The following C18orf63 variants were observed in gnomAD, a reference collection of about 807,000 sequenced individuals.
C18orf63 encodes uncharacterized protein C18orf63.
C18orf63 carries 50 observed loss-of-function variants against 75.3 expected under a neutral mutation model. The observed-to-expected ratio is 0.66, with a 90% confidence interval of 0.53 to 0.84. The LOEUF (loss-of-function observed/expected upper bound fraction) is 0.84. Ranked by LOEUF, C18orf63 falls within the 40% of genes least tolerant of loss-of-function variation. The pLI, the probability that C18orf63 is intolerant of heterozygous loss-of-function variation, is 0.00. For missense variants in C18orf63, 732 were observed against 800.2 expected, an observed-to-expected ratio of 0.91 and a Z score of 1.03; for synonymous variants, 232 against 267.6, an observed-to-expected ratio of 0.87 and a Z score of 1.30.
intron 4 of C18orf63, among the ~76,000 whole-genome samples, chr18:74,325,844 C>G (rs1484668633): frequency 6.6e-6 from 1 of 152,206 alleles, no homozygotes; most frequent in Admixed American, 6.5e-5. Flanking sequence ...TTGTCCTTGA[C>G]TTTAGCTGAA....
chr18:74,341,197 GAGCTTGC>G lies in C18orf63; in HGVS notation c.612-825_612-819del, dbSNP rs371126679. Among the ~76,000 whole-genome samples, 680 of 147,436 alleles carry G rather than the reference GAGCTTGC, an allele frequency of 4.6e-3. 1 individual carries two copies. Among genetic ancestry groups the G allele is most frequent in the South Asian group, 0.019 (85 of 4,514 alleles). ...GAGAATGGCGTGAACCCGGGAGGCG[GAGCTTGC>G]AGCTTGCAGTGAGCCGAGATCCCGC... On this transcript the variant is annotated intron_variant, in intron 8 of 13. Transcript: ENST00000579455.
chr18:74,358,672 T>C lies in C18orf63; in HGVS notation c.*2225T>C, dbSNP rs1362948283. 1 of 152,126 alleles carries C rather than the reference T, an allele frequency of 6.6e-6. No homozygotes were observed. Among genetic ancestry groups the C allele is most frequent in the Non-Finnish European group, 1.5e-5 (1 of 67,998 alleles). The allele number at this position is 152,126 out of a possible 1,614,324, so 9.4% of individuals were successfully genotyped here. On this transcript the variant is annotated 3_prime_UTR_variant, in exon 14 of 14. Transcript: ENST00000579455. Reference sequence around the variant, plus strand: ...ATTAGTTTTAGAACCATTTTAATTTTAAAACCATAAGAAAATAATTTTATG... The same window carrying C: ...ATTAGTTTTAGAACCATTTTAATTTCAAAACCATAAGAAAATAATTTTATG...
At chr18:74,337,459 G>A (rs188176535) in intron 7 of C18orf63, among the ~76,000 whole-genome samples, 1 of 152,104 alleles carries the variant, frequency 6.6e-6, no homozygotes, top group Admixed American at 6.5e-5. Context: ...AGGTGTATGT[G>A]GGAACCCATA....
intron 6 of C18orf63, among the ~76,000 whole-genome samples, chr18:74,330,607 A>T (rs1158520925): frequency 2.0e-5 from 3 of 151,574 alleles, no homozygotes; most frequent in Non-Finnish European, 4.4e-5. Context: ...GGGGTGTCTC[A>T]TTTTTTTTAT....
At chr18:74,318,960 A>C (rs1306307756) in intron 2 of C18orf63, among the ~76,000 whole-genome samples, 1 of 152,174 alleles carries the variant, frequency 6.6e-6, no homozygotes, top group Non-Finnish European at 1.5e-5. Flanking sequence ...AAACAACTAG[A>C]AGATACCCAG....
Position 74,342,390 on chromosome 18 carries a change from C to G in C18orf63, c.794+64C>G, listed in dbSNP as rs139334923. 4 of 931,960 alleles carry G rather than the reference C, an allele frequency of 4.3e-6. No individual in the cohort carries two copies. In the African/African-American group the frequency reaches 4.9e-5, roughly 11 times the overall value. The allele number at this position is 931,960 out of a possible 1,614,324, so 57.7% of individuals were successfully genotyped here. A position where few individuals can be genotyped will look rare whatever the true frequency, so the allele number is the denominator to read the frequency against. On this transcript the variant is annotated intron_variant, in intron 10 of 13. Transcript: ENST00000579455. The stretch of plus-strand genomic sequence containing the variant: ...CCACCTTATAATCTAGTTTTGCTCC[C>G]ACTCTCATGTCATACTTTTCAACCT...
chr18:74,338,693 C>A, intron 7 of C18orf63, 22 bp from the exon 8 acceptor site: 6 of 1,102,806 alleles, frequency 5.4e-6, no homozygotes, highest in Non-Finnish European at 7.2e-6. Context: ...TGAGGACTTA[C>A]AAATCTTATT....
chr18:74,320,938 A>G (rs1297628710), intron 3 of C18orf63, among the ~76,000 whole-genome samples: 2 of 152,194 alleles, frequency 1.3e-5, no homozygotes, highest in African/African-American at 4.8e-5. Flanking sequence ...TCTCATTTCA[A>G]CAAATCTCCA....
intron 7 of C18orf63, among the ~76,000 whole-genome samples, chr18:74,337,784 CT>C (rs1478278279): frequency 1.3e-5 from 2 of 152,120 alleles, no homozygotes; most frequent in African/African-American, 2.4e-5. Context: ...CTCTTCCCTG[CT>C]CCTCCATTTC....
At chr18:74,355,827 A>C (rs1028688815) in intron 13 of C18orf63, among the ~76,000 whole-genome samples, 2 of 152,080 alleles carry the variant, frequency 1.3e-5, no homozygotes, top group African/African-American at 2.4e-5. Context: ...GAACCCGAGA[A>C]GTGGAGATTG....
chr18:74,356,784 A>T lies in C18orf63; in HGVS notation c.*337A>T, dbSNP rs1984773593. 6.6e-6 allele frequency: 1 copy of T among 152,148 alleles called. No homozygotes were observed. Among genetic ancestry groups the T allele is most frequent in the East Asian group, 1.9e-4 (1 of 5,196 alleles). The allele number at this position is 152,148 out of a possible 1,614,324, so 9.4% of individuals were successfully genotyped here. A position where few individuals can be genotyped will look rare whatever the true frequency, so the allele number is the denominator to read the frequency against. On this transcript the variant is annotated 3_prime_UTR_variant, in exon 14 of 14. Transcript: ENST00000579455. ...TTGAAAATATCTTTATTTTGCCCTTATTGAAATTATCAAACCACATAAAGC... is the reference window on the plus strand; with the variant it reads ...TTGAAAATATCTTTATTTTGCCCTTTTTGAAATTATCAAACCACATAAAGC...
At chr18:74,321,357 T>A (rs1360202510) in intron 3 of C18orf63, among the ~76,000 whole-genome samples, 1 of 149,878 alleles carries the variant, frequency 6.7e-6, no homozygotes, top group Non-Finnish European at 1.5e-5. Flanking sequence ...CAGGCTGGAG[T>A]GCAGTGGCTC....
At chr18:74,349,572 A>G (rs1984632221) in intron 11 of C18orf63, among the ~76,000 whole-genome samples, 1 of 152,138 alleles carries the variant, frequency 6.6e-6, no homozygotes, top group African/African-American at 2.4e-5. Flanking sequence ...CACGAACCCT[A>G]TTGTGAACTG....
At chr18:74,317,485 A>T (rs1984045344) in intron 1 of C18orf63, among the ~76,000 whole-genome samples, 1 of 152,244 alleles carries the variant, frequency 6.6e-6, no homozygotes, top group African/African-American at 2.4e-5. Flanking sequence ...TTTGACTTTT[A>T]AAAAATAGTT....
intron 4 of C18orf63, 50 bp from the exon 5 acceptor site, chr18:74,327,897 C>T: frequency 8.2e-6 from 9 of 1,096,746 alleles, no homozygotes; most frequent in Non-Finnish European, 1.2e-5. Flanking sequence ...TATATGCATA[C>T]ACAGCAATTG....
chr18:74,345,006 C>A (rs1271016836), intron 11 of C18orf63, among the ~76,000 whole-genome samples: 1 of 152,016 alleles, frequency 6.6e-6, no homozygotes, highest in Non-Finnish European at 1.5e-5. Flanking sequence ...CCCCTCTGCC[C>A]CAAAGCAGTA....
At chr18:74,334,510 T>G (rs1377634344) in intron 7 of C18orf63, among the ~76,000 whole-genome samples, 2 of 152,152 alleles carry the variant, frequency 1.3e-5, no homozygotes, top group East Asian at 3.9e-4. Flanking sequence ...TGTCTGGGAA[T>G]GAAAGGAAGG....
chr18:74,317,502 A>G (rs1209425729), intron 1 of C18orf63, among the ~76,000 whole-genome samples: 2 of 152,228 alleles, frequency 1.3e-5, no homozygotes, highest in African/African-American at 4.8e-5. Context: ...AGTTATTGTT[A>G]TAGAAAAAGG....
intron 4 of C18orf63, among the ~76,000 whole-genome samples, chr18:74,323,859 C>T (rs1368853245): frequency 6.6e-6 from 1 of 152,114 alleles, no homozygotes; most frequent in African/African-American, 2.4e-5. Context: ...ACTCCAGGTT[C>T]CTGCCACATC....
Sources: allele counts gnomAD v4.1 joint callset (sites outside exome capture counted in the v4.1 genomes callset), GRCh38; gene constraint gnomAD v4.1.1; transcripts MANE v1.5; gene names NCBI Gene and HGNC (gene_info 2026-07-23, HGNC 2026-07-21).